Variants in ACOT1 observed in about 807,000 individuals in gnomAD.
ACOT1 encodes acyl-CoA thioesterase 1, also known as acyl-coenzyme A thioesterase 1.
Under a neutral mutation model 15.7 loss-of-function variants are expected in ACOT1, and 8 were observed. The ratio of observed to expected loss-of-function variants is 0.51; its 90% confidence interval spans 0.30 to 0.92. ACOT1 has a LOEUF of 0.92. Among genes scored for constraint, ACOT1 ranks in the 40% least tolerant of loss-of-function variants. The pLI is 0.06. For missense variants in ACOT1, 151 were observed against 539.4 expected, an observed-to-expected ratio of 0.28 and a Z score of 7.13; for synonymous variants, 67 against 241.2, an observed-to-expected ratio of 0.28 and a Z score of 6.69.
At chr14:73,511,886 A>G in the ACOT1 span, 1 of 1,206,094 alleles carries the variant, frequency 8.3e-7, no homozygotes, top group Non-Finnish European at 1.2e-6. Context: ...GCCAGTCTCT[A>G]AGTCTTGGTT....
the ACOT1 span, chr14:73,491,355 G>T: frequency 2.1e-6 from 3 of 1,428,404 alleles, no homozygotes; most frequent in Non-Finnish European, 2.7e-6. Context: ...CCCGCCGCGC[G>T]CTCCCTGCAG....
At chr14:73,509,858 A>ATTTATATATT in the ACOT1 span, among the ~76,000 whole-genome samples, 23 of 59,196 alleles carry the variant, frequency 3.9e-4, no homozygotes, top group African/African-American at 1.8e-3. Flanking sequence ...ATATATATAT[A>ATTTATATATT]TATATATATA....
the ACOT1 span, among the ~76,000 whole-genome samples, chr14:73,524,013 G>T: frequency 6.6e-6 from 1 of 151,940 alleles, no homozygotes; most frequent in African/African-American, 2.4e-5. Flanking sequence ...GCTGTAGGCC[G>T]GGCGCAGTGG....
the ACOT1 span, among the ~76,000 whole-genome samples, chr14:73,528,379 C>T: frequency 8.9e-5 from 8 of 89,636 alleles, no homozygotes; most frequent in South Asian, 1.2e-3. Flanking sequence ...ACGACAAGAG[C>T]GAAACTTCAT....
chr14:73,504,485 G>A, the ACOT1 span, among the ~76,000 whole-genome samples: 5 of 151,980 alleles, frequency 3.3e-5, no homozygotes, highest in South Asian at 2.1e-4. Flanking sequence ...CTCGTGATCC[G>A]CCCTCCTTGG....
At chr14:73,508,777 A>AAAAAAT in the ACOT1 span, among the ~76,000 whole-genome samples, 2 of 150,046 alleles carry the variant, frequency 1.3e-5, no homozygotes, top group African/African-American at 4.9e-5. Flanking sequence ...AAAAAAAAAA[A>AAAAAAT]TTTAGTCCAG....
At chr14:73,509,727 C>T in the ACOT1 span, among the ~76,000 whole-genome samples, 2 of 145,574 alleles carry the variant, frequency 1.4e-5, no homozygotes, top group East Asian at 2.0e-4. Flanking sequence ...ATATTTAAGC[C>T]GAAGAAGAAT....
At chr14:73,508,429 C>T in the ACOT1 span, 1 of 717,176 alleles carries the variant, frequency 1.4e-6, no homozygotes, top group Non-Finnish European at 2.3e-6. Flanking sequence ...TCTAGAAATA[C>T]AATTTCTTAT....
rs1333814984 is a variant in ACOT1 at position 73,538,743 on chromosome 14, C to T, written c.457+865C>T. On this transcript the variant is annotated intron_variant, in intron 1 of 2. Coordinates refer to ENST00000311148, the MANE Select transcript of ACOT1 (RefSeq NM_001037161.2). ...CTGTAATCCTAGCACTTTGGGAGGC[C>T]GAGGCAGGCGGATCAAGAGTTCGAG... Among the ~76,000 whole-genome samples, 14 of 113,766 alleles carry T rather than the reference C, an allele frequency of 1.2e-4. 2 individuals are homozygous for T. The highest frequency in any genetic ancestry group is 4.0e-4 in the African/African-American group (14 of 34,896). The allele number at this position is 113,766 out of a possible 152,430, so 74.6% of individuals were successfully genotyped here.
At chr14:73,526,236 C>T in the ACOT1 span, among the ~76,000 whole-genome samples, 1 of 152,222 alleles carries the variant, frequency 6.6e-6, no homozygotes, top group Non-Finnish European at 1.5e-5. Context: ...ACAGAGGACA[C>T]ATTTAGATCA....
At chr14:73,499,275 G>C in the ACOT1 span, 1 of 745,146 alleles carries the variant, frequency 1.3e-6, no homozygotes. Context: ...GACATCAGGA[G>C]TTTGAGACCA....
the ACOT1 span, among the ~76,000 whole-genome samples, chr14:73,496,910 G>A: frequency 2.6e-5 from 4 of 152,228 alleles, no homozygotes; most frequent in Non-Finnish European, 5.9e-5. Context: ...GTTTTTGCGA[G>A]ATGGAGTCTT....
chr14:73,491,032 G>A, the ACOT1 span: 6 of 1,559,992 alleles, frequency 3.8e-6, no homozygotes, highest in East Asian at 4.8e-5. Context: ...ATGGGCTCCA[G>A]GCCAGTGCAG....
chr14:73,534,439 T>C, upstream of ACOT1, among the ~76,000 whole-genome samples: 2 of 108,050 alleles, frequency 1.9e-5, 1 homozygote, highest in Non-Finnish European at 3.9e-5. Flanking sequence ...TTGCCTATAA[T>C]CCCAACACTC....
At chr14:73,518,982 C>T in the ACOT1 span, 7 of 1,575,396 alleles carry the variant, frequency 4.4e-6, no homozygotes, top group Non-Finnish European at 6.0e-6. Flanking sequence ...AGCCACATTC[C>T]CGTTATTAAC....
chr14:73,529,465 A>G, the ACOT1 span, among the ~76,000 whole-genome samples: 3 of 152,178 alleles, frequency 2.0e-5, no homozygotes, highest in East Asian at 5.8e-4. Flanking sequence ...TTGGGCTAGA[A>G]GGGGAGGAAT....
upstream of ACOT1, among the ~76,000 whole-genome samples, chr14:73,534,224 C>T (rs1888793207): frequency 1.8e-5 from 2 of 111,388 alleles, 1 homozygote; most frequent in South Asian, 5.9e-4. Flanking sequence ...ACTAAAAATA[C>T]AAAAATCAGC....
the ACOT1 span, chr14:73,502,812 G>A: frequency 9.9e-7 from 1 of 1,006,780 alleles, no homozygotes; most frequent in Non-Finnish European, 1.6e-6. Context: ...TTCCCAAAGT[G>A]TTGGGAGCCA....
At chr14:73,509,340 C>T in the ACOT1 span, 1 of 1,614,102 alleles carries the variant, frequency 6.2e-7, no homozygotes, top group South Asian at 1.1e-5. Context: ...GCATGATGTT[C>T]CGGGCAAGGG....
Sources: allele counts gnomAD v4.1 joint callset (sites outside exome capture counted in the v4.1 genomes callset), GRCh38; gene constraint gnomAD v4.1.1; transcripts MANE v1.5; gene names NCBI Gene and HGNC (gene_info 2026-07-23, HGNC 2026-07-21).